UBR3: variants seen among roughly 807,000 people sequenced by gnomAD.
UBR3 encodes the protein ubiquitin protein ligase E3 component n-recognin 3, also known as E3 ubiquitin-protein ligase UBR3.
UBR3 carries 85 observed loss-of-function variants against 243.2 expected under a neutral mutation model. The observed-to-expected ratio is 0.35, with a 90% CI of 0.29 to 0.42. UBR3 has a LOEUF of 0.42. UBR3 is among the 10% of genes least tolerant of loss of function. The pLI is 1.00. For missense variants in UBR3, 1,686 were observed against 2,300.8 expected (o/e 0.73, Z 5.47); for synonymous variants, 748 against 799.8 (o/e 0.94, Z 1.09).
intron 29 of UBR3, chr2:170,013,922 C>T (rs1038455762): frequency 1.1e-5 from 5 of 469,450 alleles, no homozygotes; most frequent in East Asian, 7.0e-5. Flanking sequence ...TGCTGGTCTC[C>T]GCTCGCTTTC....
At chr2:169,856,521 A>C (rs1559026024) in intron 1 of UBR3, among the ~76,000 whole-genome samples, 1 of 152,092 alleles carries the variant, frequency 6.6e-6, no homozygotes, top group Non-Finnish European at 1.5e-5. Flanking sequence ...AGATCACGCC[A>C]CTGCACTCCA....
rs1244100602 is a variant in UBR3 at position 169,971,267 on chromosome 2, C to T, written c.3634+12741C>T. Among the ~76,000 whole-genome samples the T allele has an allele frequency of 4.3e-4, 65 of 150,458 alleles. 1 individual carries two copies. The highest frequency in any genetic ancestry group is 2.2e-4 in the Non-Finnish European group (15 of 67,466). On this transcript the variant is annotated intron_variant, in intron 24 of 38. Transcript: ENST00000272793. ...TAGGTTGCGAAAATTTTCTCCCATT[C>T]TGTAGGTTGCCTGTTCACTCTGATG...
chr2:169,870,649 A>G (rs59762097), intron 1 of UBR3, among the ~76,000 whole-genome samples: 1 of 151,506 alleles, frequency 6.6e-6, no homozygotes, highest in African/African-American at 2.4e-5. Flanking sequence ...ACTGTCTTTT[A>G]TTATTATTAT....
Position 169,890,534 on chromosome 2 carries a change from G to GATATATATATATAT in UBR3, c.1039-630_1039-629insTATATATATATATA, listed in dbSNP as rs1329333538. On this transcript the variant is annotated intron_variant, in intron 5 of 38. Transcript: ENST00000272793. ...GTGCGAGGTTTTTCTAGGAGAGAGA[G>GATATATATATATAT]AGAGAGATATATATATATATATATA... Among the ~76,000 whole-genome samples, 26 of 17,454 alleles carry GATATATATATATAT rather than the reference G, an allele frequency of 1.5e-3. 1 individual carries two copies. The highest frequency in any genetic ancestry group is 6.4e-3 in the South Asian group (2 of 314). 11.5% of individuals were successfully genotyped at this position (17,454 alleles called of 152,430 possible). A position where few individuals can be genotyped will look rare whatever the true frequency, so the allele number is the denominator to read the frequency against.
At chr2:169,855,547 T>C (rs1408469513) in intron 1 of UBR3, among the ~76,000 whole-genome samples, 1 of 152,028 alleles carries the variant, frequency 6.6e-6, no homozygotes, top group East Asian at 1.9e-4. Context: ...GGAGTGGTGA[T>C]GACTCTTAAC....
chr2:170,081,059 G>A (rs930446733), intron 38 of UBR3, among the ~76,000 whole-genome samples: 2 of 152,080 alleles, frequency 1.3e-5, no homozygotes, highest in African/African-American at 4.8e-5. Context: ...CAGGTGTGGT[G>A]GTCATACACC....
intron 35 of UBR3, among the ~76,000 whole-genome samples, chr2:170,061,802 A>G (rs1346894556): frequency 1.3e-5 from 2 of 152,198 alleles, no homozygotes; most frequent in African/African-American, 2.4e-5. Flanking sequence ...TTTGTTTTAA[A>G]TATACTGGTA....
chr2:170,049,540 A>G (rs1394822231), intron 32 of UBR3, among the ~76,000 whole-genome samples: 1 of 151,998 alleles, frequency 6.6e-6, no homozygotes, highest in African/African-American at 2.4e-5. Flanking sequence ...TCTCCTGAGG[A>G]TAAGGGGGGG....
At chr2:169,831,876 A>C (rs1293669601) in intron 1 of UBR3, among the ~76,000 whole-genome samples, 1 of 152,210 alleles carries the variant, frequency 6.6e-6, no homozygotes, top group African/African-American at 2.4e-5. Context: ...TGGGGTTTTT[A>C]TTCTAACTGC....
At chr2:170,001,693 C>T (rs1021683154) in intron 27 of UBR3, among the ~76,000 whole-genome samples, 6 of 151,842 alleles carry the variant, frequency 4.0e-5, no homozygotes, top group Non-Finnish European at 8.8e-5. Flanking sequence ...GTCAGGAGTT[C>T]GAGACCAGCC....
At chr2:169,899,879 T>C (rs2084748154) in intron 8 of UBR3, among the ~76,000 whole-genome samples, 1 of 152,096 alleles carries the variant, frequency 6.6e-6, no homozygotes, top group South Asian at 2.1e-4. Flanking sequence ...ATGTGCCACA[T>C]TTTCTTTATC....
rs1395936084 is a variant in UBR3 at position 169,986,786 on chromosome 2, C to T, written c.3776C>T (p.Ala1259Val). The change falls in exon 25 of 39, where the codon GCA becomes GTA. Residue 1259 changes from alanine (A) to valine (V), a missense_variant. Ala to Val is a moderately conservative substitution (Grantham distance 64). Coordinates refer to ENST00000272793, the MANE Select transcript of UBR3 (RefSeq NM_172070.4). ...ACTGGATTAGTTGTACTGTTACAAGCATCCTCAGGTAAAATCAAAGTAATT... is the reference window on the plus strand; with the variant it reads ...ACTGGATTAGTTGTACTGTTACAAGTATCCTCAGGTAAAATCAAAGTAATT... ...RPTGLVVLLQASSVLGQCRDN... is the reference protein window; with the variant it reads ...RPTGLVVLLQVSSVLGQCRDN... The T allele has an allele frequency of 6.2e-7, 1 of 1,613,838 alleles. No individual in the cohort carries two copies. Among genetic ancestry groups the T allele is most frequent in the South Asian group, 1.1e-5 (1 of 91,002 alleles).
chr2:169,880,555 T>C (rs2083783060), intron 5 of UBR3, among the ~76,000 whole-genome samples: 1 of 152,144 alleles, frequency 6.6e-6, no homozygotes, highest in Non-Finnish European at 1.5e-5. Flanking sequence ...CACAACTGCA[T>C]TGCAACAACA....
chr2:169,890,973 T>G (rs1042841118), intron 5 of UBR3, among the ~76,000 whole-genome samples, 192 bp from the exon 6 acceptor site: 1 of 144,486 alleles, frequency 6.9e-6, no homozygotes, highest in African/African-American at 2.4e-5. Context: ...TGTTTTGATA[T>G]TTAGGGATAT....
chr2:169,926,596 A>G, intron 14 of UBR3, 96 bp from the exon 15 acceptor site: 1 of 1,327,924 alleles, frequency 7.5e-7, no homozygotes, highest in Non-Finnish European at 1.0e-6. Flanking sequence ...AACAAAAAAC[A>G]AAAAACAAAA....
rs2082711098 is a variant in UBR3, at chr2:169,852,880, AAAAC to A, written c.546-19355_546-19352del. Among the ~76,000 whole-genome samples, 3 of 54,236 alleles carry A rather than the reference AAAAC, an allele frequency of 5.5e-5. 1 individual carries two copies. Among genetic ancestry groups the A allele is most frequent in the Non-Finnish European group, 1.2e-4 (2 of 16,258 alleles). The allele number at this position is 54,236 out of a possible 152,430, so 35.6% of individuals were successfully genotyped here. On this transcript the variant is annotated intron_variant, in intron 1 of 38. Coordinates refer to ENST00000272793, the MANE Select transcript of UBR3 (RefSeq NM_172070.4). Reference sequence around the variant, plus strand: ...AAAAAAAAAAAAAAAAAAAAAAAACAAAACCAAACAAATTGAGTCCTTTAAGAGA... The same window carrying A: ...AAAAAAAAAAAAAAAAAAAAAAAACACAAACAAATTGAGTCCTTTAAGAGA...
At chr2:170,080,198 T>TAAGTGAGTAAATCCTTC in intron 37 of UBR3, 175 bp downstream of exon 37, 1 of 649,796 alleles carries the variant, frequency 1.5e-6, no homozygotes, top group South Asian at 2.2e-5. Context: ...TTTGAGGCTT[T>TAAGTGAGTAAATCCTTC]AAGTGAGTAA....
intron 35 of UBR3, among the ~76,000 whole-genome samples, chr2:170,067,043 G>A (rs2091587918): frequency 6.7e-6 from 1 of 149,510 alleles, no homozygotes; most frequent in African/African-American, 2.4e-5. Context: ...TTCCAGACAA[G>A]GAAGCAGGCG....
intron 24 of UBR3, among the ~76,000 whole-genome samples, chr2:169,977,367 A>T (rs937346153): frequency 6.6e-6 from 1 of 152,182 alleles, no homozygotes; most frequent in Non-Finnish European, 1.5e-5. Flanking sequence ...TACAAAGGTG[A>T]CATCCCATGA....
Sources: allele counts gnomAD v4.1 joint callset (sites outside exome capture counted in the v4.1 genomes callset), GRCh38; gene constraint gnomAD v4.1.1; transcripts MANE v1.5; gene names NCBI Gene and HGNC (gene_info 2026-07-23, HGNC 2026-07-21).